SEMA3A: variants seen among roughly 807,000 people sequenced by gnomAD.
SEMA3A encodes semaphorin 3A.
In SEMA3A, 29 loss-of-function variants were observed where a neutral mutation model predicts 97.9. The ratio of observed to expected loss-of-function variants is 0.30; its 90% CI spans 0.22 to 0.40. The LOEUF (loss-of-function observed/expected upper bound fraction) is 0.40. Among genes scored for constraint, SEMA3A ranks in the 10% least tolerant of loss-of-function variants. The probability of loss-of-function intolerance (pLI) is 1.00; values close to 1 mark genes in which losing one functional copy is unlikely to be tolerated. For missense variants in SEMA3A, 763 were observed against 951.3 expected (o/e 0.80, Z 2.60); for synonymous variants, 321 against 323.7 (o/e 0.99, Z 0.09).
At chr7:84,419,227 G>A (rs1804521479) in intron 1 of SEMA3A, among the ~76,000 whole-genome samples, 1 of 152,068 alleles carries the variant, frequency 6.6e-6, no homozygotes, top group African/African-American at 2.4e-5. Flanking sequence ...ATCCCTAAGT[G>A]ACTAAGTAGG....
upstream of SEMA3A, chr7:84,194,795 A>AT: frequency 1.0e-4 from 32 of 319,718 alleles, no homozygotes; most frequent in Middle Eastern, 8.6e-4. Flanking sequence ...CCCTCCAAAA[A>AT]GAAAAAAAAA....
intron 1 of SEMA3A, among the ~76,000 whole-genome samples, chr7:84,440,897 G>T (rs1252007126): frequency 2.0e-5 from 3 of 152,278 alleles, no homozygotes; most frequent in Middle Eastern, 3.4e-3. Flanking sequence ...GGTGGCTCAC[G>T]CCTGTAATCT....
chr7:84,091,300 A>G (rs564157358), intron 4 of SEMA3A, among the ~76,000 whole-genome samples: 897 of 60,724 alleles, frequency 0.015, 12 homozygotes, highest in African/African-American at 0.028. Flanking sequence ...AAGAAAAAGA[A>G]AAAGAAAGGA....
At chr7:84,244,252 T>C (rs1257461334) in intron 3 of SEMA3A, among the ~76,000 whole-genome samples, 1 of 152,142 alleles carries the variant, frequency 6.6e-6, no homozygotes, top group Non-Finnish European at 1.5e-5. Context: ...TCTAAGAACT[T>C]GCTTTATGAG....
chr7:84,360,399 T>C (rs1392451169), intron 2 of SEMA3A, among the ~76,000 whole-genome samples: 1 of 152,168 alleles, frequency 6.6e-6, no homozygotes, highest in African/African-American at 2.4e-5. Context: ...TTTCGTTATG[T>C]ACCCAGTAGT....
chr7:84,060,440 A>G (rs763363016), intron 5 of SEMA3A, 25 bp downstream of exon 5: 5 of 1,433,000 alleles, frequency 3.5e-6, no homozygotes, highest in African/African-American at 1.5e-5. Flanking sequence ...AAAACTCACT[A>G]TTTAATTGAT....
rs76911120 is a variant in SEMA3A, at chr7:84,402,941, G to T, written c.-245-31041C>A. On this transcript the variant is annotated intron_variant, in intron 1 of 3. Coordinates refer to the SEMA3A transcript ENST00000424555. ...GGGGTAGAGAGTTGAAGACAGGTTGGTTTACAAAAATACAGTTAGGAGTGT... is the reference window on the plus strand; with the variant it reads ...GGGGTAGAGAGTTGAAGACAGGTTGTTTTACAAAAATACAGTTAGGAGTGT... Among the ~76,000 whole-genome samples, 1,870 of 152,042 alleles carry T rather than the reference G, an allele frequency of 0.012. 74 individuals carry two copies. In the East Asian group the frequency reaches 0.16, roughly 13 times the overall value.
At chr7:84,400,453 A>T (rs945501968) in intron 1 of SEMA3A, among the ~76,000 whole-genome samples, 1 of 152,194 alleles carries the variant, frequency 6.6e-6, no homozygotes, top group Non-Finnish European at 1.5e-5. Flanking sequence ...AAATAATTTT[A>T]AAAATCAAAC....
At chr7:84,071,664 GA>G (rs1289659670) in intron 4 of SEMA3A, among the ~76,000 whole-genome samples, 1 of 151,906 alleles carries the variant, frequency 6.6e-6, no homozygotes, top group Non-Finnish European at 1.5e-5. Flanking sequence ...TTTCTCTCTG[GA>G]ACTTGCATAG....
At chr7:84,191,800 G>T (rs1798045551) in intron 1 of SEMA3A, among the ~76,000 whole-genome samples, 1 of 151,654 alleles carries the variant, frequency 6.6e-6, no homozygotes, top group African/African-American at 2.4e-5. Context: ...AAATCAAATT[G>T]GTTCAGAGGA....
chr7:83,988,376 A>G (rs1340178730), intron 12 of SEMA3A, among the ~76,000 whole-genome samples: 1 of 151,772 alleles, frequency 6.6e-6, no homozygotes, highest in Non-Finnish European at 1.5e-5. Flanking sequence ...ACAGGCGCCC[A>G]CCACCACGAC....
chr7:84,157,122 T>C (rs1404280215), intron 1 of SEMA3A, among the ~76,000 whole-genome samples: 4 of 152,146 alleles, frequency 2.6e-5, no homozygotes, highest in South Asian at 4.1e-4. Context: ...CGAGTAAAAA[T>C]GCACTCTTTT....
intron 1 of SEMA3A, among the ~76,000 whole-genome samples, chr7:84,489,591 A>C (rs971204852): frequency 6.6e-6 from 1 of 152,156 alleles, no homozygotes; most frequent in Admixed American, 6.6e-5. Context: ...GGAATCTTGA[A>C]TAATGGAATA....
At chr7:84,471,961 C>T (rs1254672451) in intron 1 of SEMA3A, among the ~76,000 whole-genome samples, 1 of 151,358 alleles carries the variant, frequency 6.6e-6, no homozygotes, top group Non-Finnish European at 1.5e-5. Flanking sequence ...AGGTTAATGC[C>T]CATGATTATT....
At chr7:84,045,346 T>C (rs1792307148) in intron 6 of SEMA3A, among the ~76,000 whole-genome samples, 1 of 151,930 alleles carries the variant, frequency 6.6e-6, no homozygotes, top group Non-Finnish European at 1.5e-5. Context: ...ATGAACGAGT[T>C]ATATACAAGC....
At chr7:84,406,669 T>A (rs964216080) in intron 1 of SEMA3A, among the ~76,000 whole-genome samples, 52 of 152,066 alleles carry the variant, frequency 3.4e-4, no homozygotes, top group African/African-American at 1.2e-3. Flanking sequence ...ACTGGCAAAC[T>A]GAATCCAGCA....
At chr7:84,397,320 C>A (rs615897) in intron 1 of SEMA3A, among the ~76,000 whole-genome samples, 1 of 151,012 alleles carries the variant, frequency 6.6e-6, no homozygotes, top group Middle Eastern at 3.5e-3. Context: ...TTAAAATTAT[C>A]TTTTGGTGGA....
chr7:84,342,933 T>C (rs930063880), intron 2 of SEMA3A, among the ~76,000 whole-genome samples: 1 of 152,168 alleles, frequency 6.6e-6, no homozygotes, highest in Admixed American at 6.5e-5. Context: ...TTGTGCTTAG[T>C]GTATTTTTGA....
At chr7:84,018,174 G>A (rs1311180772) in intron 6 of SEMA3A, among the ~76,000 whole-genome samples, 2 of 152,034 alleles carry the variant, frequency 1.3e-5, no homozygotes, top group Non-Finnish European at 2.9e-5. Flanking sequence ...TGTACTGATA[G>A]GACCAAAGCC....
Sources: gnomAD v4.1 joint callset for allele counts (sites outside exome capture counted in the v4.1 genomes callset) on GRCh38, gnomAD v4.1.1 for gene constraint, MANE v1.5 for transcripts, NCBI Gene and HGNC (gene_info 2026-07-23, HGNC 2026-07-21) for gene names.